UTP18: variants seen among roughly 807,000 people sequenced by gnomAD.
UTP18 encodes the protein UTP18 small subunit processome component.
A neutral mutation model predicts 61.1 loss-of-function variants in UTP18; 36 were observed. The ratio of observed to expected loss-of-function variants is 0.59; its 90% confidence interval spans 0.45 to 0.78. The LOEUF (loss-of-function observed/expected upper bound fraction) is 0.78. UTP18 is among the 30% of genes least tolerant of loss of function. The probability of loss-of-function intolerance (pLI) is 0.00; values close to 1 mark genes in which losing one functional copy is unlikely to be tolerated. For synonymous variants in UTP18, 282 were observed against 251.1 expected (o/e 1.12, Z -1.16); for missense variants, 753 against 693.9 (o/e 1.09, Z -0.96).
At position 51,294,055 on chromosome 17, in the gene UTP18, AT is replaced by A; in HGVS notation, c.1646+13del. ...AGGCCCTGATGTATAGGTAGGTATTATTTATGTTTAAAAGTCAGAGATACCT... is the reference window on the plus strand; with the variant it reads ...AGGCCCTGATGTATAGGTAGGTATTATTATGTTTAAAAGTCAGAGATACCT... On this transcript the variant is annotated intron_variant, in intron 12 of 13. Coordinates refer to ENST00000225298, the MANE Select transcript of UTP18 (RefSeq NM_016001.3). 1 of 1,561,234 alleles carries A rather than the reference AT, an allele frequency of 6.4e-7. No individual in the cohort carries two copies. The highest frequency in any genetic ancestry group is 8.6e-7 in the Non-Finnish European group (1 of 1,159,764).
chr17:51,281,309 T>C (rs1472777219), intron 9 of UTP18, among the ~76,000 whole-genome samples: 1 of 152,020 alleles, frequency 6.6e-6, no homozygotes, highest in African/African-American at 2.4e-5. Flanking sequence ...AGTTTTAACA[T>C]GTTTGGGGAA....
chr17:51,291,715 A>G (rs1905242947), intron 11 of UTP18, among the ~76,000 whole-genome samples: 1 of 151,866 alleles, frequency 6.6e-6, no homozygotes, highest in Non-Finnish European at 1.5e-5. Context: ...AGCCTGGGCA[A>G]CAGAGTGAGT....
chr17:51,290,205 CAGG>C (rs1159654265), intron 11 of UTP18, among the ~76,000 whole-genome samples: 1 of 152,148 alleles, frequency 6.6e-6, no homozygotes, highest in Admixed American at 6.5e-5. Context: ...CACTTGAGGT[CAGG>C]AGTTCAAGAC....
At position 51,285,383 on chromosome 17, in the gene UTP18, G is replaced by A. The variant is rs1905073193; in HGVS notation, c.1328+15G>A. ...GTTGCTTGTGGGTAAGTAAAGAGAG[G>A]TTCTTGTAACCTTAATCACATTGTG... On this transcript the variant is annotated intron_variant, in intron 10 of 13. Transcript: ENST00000225298. 1 of 1,610,392 alleles carries A rather than the reference G, an allele frequency of 6.2e-7. No homozygotes were observed. The highest frequency in any genetic ancestry group is 8.5e-7 in the Non-Finnish European group (1 of 1,177,206).
At chr17:51,297,667 A>C (rs1033203534) in intron 13 of UTP18, 115 bp from the exon 14 acceptor site, 3 of 404,140 alleles carry the variant, frequency 7.4e-6, no homozygotes, top group Non-Finnish European at 1.4e-5. Context: ...AAGCTTTAGC[A>C]AGGAGGGGAA....
intron 9 of UTP18, among the ~76,000 whole-genome samples, chr17:51,280,867 T>C (rs1904891530): frequency 6.6e-6 from 1 of 150,516 alleles, no homozygotes; most frequent in Non-Finnish European, 1.5e-5. Context: ...CAAGACTCTG[T>C]CTCAAAAAAC....
In UTP18 at chr17:51,275,937, C is replaced by T. The variant is rs756629212; in HGVS notation, c.783C>T (p.Pro261=). Residue 261 remains proline, a synonymous_variant, in exon 6 of 14, where the codon CCC becomes CCT. Coordinates refer to ENST00000225298, the MANE Select transcript of UTP18 (RefSeq NM_016001.3). ...VARISSVQFH[P]GAQIVMVAGL... ...GGATCTCATCTGTGCAGTTCCATCC[C>T]GGTGCACAGATTGTGATGGTTGCTG... 1.6e-5 allele frequency: 26 copies of T among 1,612,956 alleles called. No individual in the cohort carries two copies. The East Asian group carries it at 3.3e-4, about 21-fold the overall frequency.
intron 7 of UTP18, among the ~76,000 whole-genome samples, chr17:51,279,618 G>A (rs974897155): frequency 1.4e-4 from 22 of 152,110 alleles, no homozygotes; most frequent in African/African-American, 4.6e-4. Flanking sequence ...GCTGTCTCTA[G>A]TGGCAGTGTA....
chr17:51,277,074 C>T, intron 6 of UTP18, 56 bp from the exon 7 acceptor site: 2 of 1,551,714 alleles, frequency 1.3e-6, no homozygotes, highest in Non-Finnish European at 1.8e-6. Flanking sequence ...GTATATACTA[C>T]CAGGATACAG....
chr17:51,289,353 C>A (rs1159611843), intron 11 of UTP18, among the ~76,000 whole-genome samples: 1 of 148,522 alleles, frequency 6.7e-6, no homozygotes, highest in South Asian at 2.2e-4. Context: ...TGCGCCACCA[C>A]GCCCAGCTCA....
In UTP18 at chr17:51,272,585, T is replaced by C. The variant is rs569251468; in HGVS notation, c.623-777T>C. ...ATTAATTAGATCTAGGATGATGGTT[T>C]ATATGTTTACTTCTAGGTAGGTAGC... is the stretch of plus-strand genomic sequence containing the variant. On this transcript the variant is annotated intron_variant, in intron 4 of 13. Coordinates refer to ENST00000225298, the MANE Select transcript of UTP18 (RefSeq NM_016001.3). 2.0e-3 allele frequency among the ~76,000 whole-genome samples: 307 copies of C among 152,318 alleles called. 3 individuals are homozygous for C. In the South Asian group the frequency reaches 0.026, roughly 13 times the overall value.
chr17:51,269,306 A>G (rs1379476179), intron 4 of UTP18, among the ~76,000 whole-genome samples: 1 of 149,002 alleles, frequency 6.7e-6, no homozygotes, highest in South Asian at 2.1e-4. Flanking sequence ...AAAAAAAAAA[A>G]AAAAAAAAAA....
At chr17:51,271,955 A>G (rs1247618505) in intron 4 of UTP18, among the ~76,000 whole-genome samples, 1 of 152,186 alleles carries the variant, frequency 6.6e-6, no homozygotes, top group Non-Finnish European at 1.5e-5. Context: ...GATATGAGCC[A>G]CCATGCCTGG....
In UTP18 at chr17:51,266,256, A is replaced by T; in HGVS notation, c.530A>T (p.Asn177Ile). 6.2e-7 allele frequency: 1 copy of T among 1,601,248 alleles called. No homozygotes were observed. Among genetic ancestry groups the T allele is most frequent in the African/African-American group, 1.3e-5 (1 of 74,230 alleles). Reference protein sequence around the residue: ...NASESKLSKDNLKKRLKEEFQ... With the variant: ...NASESKLSKDILKKRLKEEFQ... ...AGTGAAAGTAAACTTTCGAAAGACA[A>T]CCTTAAAAAGAGACTTAAAGAAGAG... Residue 177 changes from asparagine (N) to isoleucine (I), a missense_variant, in exon 3 of 14, where the codon AAC becomes ATC. Asn to Ile is a moderately radical substitution (Grantham distance 149, BLOSUM62 -3). Transcript: ENST00000225298.
At chr17:51,289,115 A>G (rs938557568) in intron 11 of UTP18, among the ~76,000 whole-genome samples, 1 of 152,154 alleles carries the variant, frequency 6.6e-6, no homozygotes, top group Admixed American at 6.5e-5. Flanking sequence ...GGAAAGTTTC[A>G]TGCCAGTATA....
At chr17:51,290,658 A>T (rs1905217002) in intron 11 of UTP18, among the ~76,000 whole-genome samples, 1 of 152,190 alleles carries the variant, frequency 6.6e-6, no homozygotes, top group Non-Finnish European at 1.5e-5. Flanking sequence ...TTGACATAAT[A>T]TATTCTGCAA....
chr17:51,271,857 G>A (rs1286742272), intron 4 of UTP18, among the ~76,000 whole-genome samples: 2 of 151,742 alleles, frequency 1.3e-5, no homozygotes, highest in Admixed American at 1.3e-4. Context: ...TAGTAGACAC[G>A]GGGTTTCACC....
intron 11 of UTP18, among the ~76,000 whole-genome samples, chr17:51,292,650 A>T (rs561874519): frequency 1.3e-5 from 2 of 152,240 alleles, no homozygotes; most frequent in African/African-American, 4.8e-5. Context: ...TGAAGGTGCT[A>T]TATCTCTTGG....
intron 2 of UTP18, among the ~76,000 whole-genome samples, chr17:51,264,422 C>G (rs972821595): frequency 4.6e-5 from 7 of 152,000 alleles, no homozygotes; most frequent in Admixed American, 4.6e-4. Context: ...TCTTTATTTT[C>G]TAATTTATTG....
Sources: gnomAD v4.1 joint callset for allele counts (sites outside exome capture counted in the v4.1 genomes callset) on GRCh38, gnomAD v4.1.1 for gene constraint, MANE v1.5 for transcripts, NCBI Gene and HGNC (gene_info 2026-07-23, HGNC 2026-07-21) for gene names.